LRMDA: variants seen among roughly 807,000 people sequenced by gnomAD.
LRMDA encodes the protein leucine rich melanocyte differentiation associated, also known as leucine-rich melanocyte differentiation-associated protein.
A neutral mutation model predicts 29.8 loss-of-function variants in LRMDA; 18 were observed. That is an observed-to-expected ratio of 0.60 (90% CI 0.42 to 0.90). The LOEUF (loss-of-function observed/expected upper bound fraction) is 0.90, where lower values mean the gene tolerates loss of function less well. Among genes scored for constraint, LRMDA ranks in the 40% least tolerant of loss-of-function variants. LRMDA has a pLI of 0.00. For synonymous variants in LRMDA, 125 were observed against 109.4 expected (o/e 1.14, Z -0.89); for missense variants, 273 against 273.9 (o/e 1.00, Z 0.02).
chr10:75,858,405 T>C (rs1844864069), intron 2 of LRMDA, among the ~76,000 whole-genome samples: 1 of 152,160 alleles, frequency 6.6e-6, no homozygotes, highest in Admixed American at 6.5e-5. Context: ...CTCCACTAAT[T>C]ATCACAGTAC....
intron 2 of LRMDA, among the ~76,000 whole-genome samples, chr10:75,599,484 T>C (rs1840852483): frequency 3.9e-5 from 6 of 152,180 alleles, no homozygotes; most frequent in Admixed American, 3.9e-4. Flanking sequence ...AGGTACATGC[T>C]GGAAACCATC....
chr10:75,957,341 T>C (rs1382630631), intron 2 of LRMDA, among the ~76,000 whole-genome samples: 3 of 152,204 alleles, frequency 2.0e-5, no homozygotes, highest in South Asian at 2.1e-4. Context: ...CACCATTTAG[T>C]CTCCTTATCA....
At chr10:76,055,483 G>C (rs533301435) in intron 4 of LRMDA, among the ~76,000 whole-genome samples, 11 of 152,332 alleles carry the variant, frequency 7.2e-5, no homozygotes, top group Admixed American at 3.9e-4. Context: ...CCTCAGTTGG[G>C]AACCTCTGTG....
intron 5 of LRMDA, among the ~76,000 whole-genome samples, chr10:76,187,061 C>T (rs2132216469): frequency 6.6e-6 from 1 of 152,236 alleles, no homozygotes; most frequent in East Asian, 1.9e-4. Context: ...CCAGCCTCTC[C>T]CAGGGTGAAG....
At chr10:76,320,856 T>TAA (rs1840762460) in intron 5 of LRMDA, among the ~76,000 whole-genome samples, 1 of 152,232 alleles carries the variant, frequency 6.6e-6, no homozygotes, top group African/African-American at 2.4e-5. Flanking sequence ...TTCATGAATT[T>TAA]AGTGTACATT....
At chr10:76,354,445 T>C (rs1290891153) in intron 6 of LRMDA, among the ~76,000 whole-genome samples, 1 of 152,162 alleles carries the variant, frequency 6.6e-6, no homozygotes, top group African/African-American at 2.4e-5. Flanking sequence ...GGGTTACTTT[T>C]TATTCCAGAT....
chr10:76,218,032 C>T (rs1022615406), intron 5 of LRMDA, among the ~76,000 whole-genome samples: 11 of 152,192 alleles, frequency 7.2e-5, no homozygotes, highest in Admixed American at 7.2e-4. Context: ...CTTCTCCCTG[C>T]GTACCCTGTA....
chr10:76,549,549 C>T (rs1843469264), intron 6 of LRMDA, among the ~76,000 whole-genome samples: 1 of 152,196 alleles, frequency 6.6e-6, no homozygotes, highest in African/African-American at 2.4e-5. Context: ...GTGCTCCACA[C>T]TCTAATATTT....
rs559990369 is a variant in LRMDA at position 76,430,699 on chromosome 10, T to C, written c.601+106214T>C. 3.9e-5 allele frequency among the ~76,000 whole-genome samples: 6 copies of C among 152,242 alleles called. 1 individual carries two copies. Among genetic ancestry groups the C allele is most frequent in the African/African-American group, 1.4e-4 (6 of 41,542 alleles). On this transcript the variant is annotated intron_variant, in intron 6 of 6. Coordinates refer to ENST00000611255, the MANE Select transcript of LRMDA (RefSeq NM_001305581.2). ...CTGCTCTGTAAAAGAAAATATCAAA[T>C]GTAAGTAAATAAATAACCTAAGGGA... is the stretch of plus-strand genomic sequence containing the variant.
At chr10:76,021,544 G>A (rs1365236413) in intron 2 of LRMDA, among the ~76,000 whole-genome samples, 1 of 152,156 alleles carries the variant, frequency 6.6e-6, no homozygotes, top group East Asian at 1.9e-4. Context: ...TTGCTTTGAA[G>A]TGTGCTGTCC....
At chr10:75,493,430 C>T (rs1419282702) in intron 2 of LRMDA, among the ~76,000 whole-genome samples, 1 of 146,352 alleles carries the variant, frequency 6.8e-6, no homozygotes, top group East Asian at 2.0e-4. Context: ...ATATGGGAAG[C>T]CGAGGGAGCC....
At chr10:75,862,685 A>T (rs1215220188) in intron 2 of LRMDA, among the ~76,000 whole-genome samples, 4 of 152,226 alleles carry the variant, frequency 2.6e-5, no homozygotes, top group African/African-American at 9.6e-5. Context: ...CAGGGAAATA[A>T]CTAAACCTCC....
At chr10:75,639,377 G>C (rs1454851625) in intron 2 of LRMDA, among the ~76,000 whole-genome samples, 2 of 152,192 alleles carry the variant, frequency 1.3e-5, no homozygotes, top group South Asian at 4.1e-4. Context: ...GCTGGTAAGG[G>C]TGGAGATGAG....
intron 6 of LRMDA, among the ~76,000 whole-genome samples, chr10:76,363,243 GAA>G (rs1188056778): frequency 1.6e-5 from 1 of 60,920 alleles, no homozygotes; most frequent in Non-Finnish European, 3.8e-5. Context: ...AAGAAAGAAA[GAA>G]AGAAAGAAAG....
chr10:76,196,900 G>T (rs1385322903), intron 5 of LRMDA, among the ~76,000 whole-genome samples: 1 of 152,182 alleles, frequency 6.6e-6, no homozygotes, highest in African/African-American at 2.4e-5. Context: ...TCTTCTGGTG[G>T]TAGGGTCCTG....
At chr10:76,311,363 T>A (rs1173961685) in intron 5 of LRMDA, among the ~76,000 whole-genome samples, 1 of 152,128 alleles carries the variant, frequency 6.6e-6, no homozygotes, top group Non-Finnish European at 1.5e-5. Context: ...ATATGAAGAG[T>A]CAATTAAGAA....
intron 2 of LRMDA, among the ~76,000 whole-genome samples, chr10:75,570,476 A>G (rs887268674): frequency 1.3e-5 from 2 of 152,180 alleles, no homozygotes; most frequent in African/African-American, 4.8e-5. Context: ...TAGAATTTAT[A>G]TGAACTGGGT....
At chr10:75,872,398 G>A (rs2132333533) in intron 2 of LRMDA, among the ~76,000 whole-genome samples, 1 of 152,156 alleles carries the variant, frequency 6.6e-6, no homozygotes, top group Admixed American at 6.5e-5. Context: ...CCATCTCCTG[G>A]GTTCAAGCGA....
At chr10:76,242,101 G>A (rs1393637473) in intron 5 of LRMDA, 2 of 152,130 alleles carry the variant, frequency 1.3e-5, no homozygotes, top group Non-Finnish European at 1.5e-5. Flanking sequence ...GATCAGCACA[G>A]GAGTTTTGAC....
Sources: allele counts gnomAD v4.1 joint callset (sites outside exome capture counted in the v4.1 genomes callset), GRCh38; gene constraint gnomAD v4.1.1; transcripts MANE v1.5; gene names NCBI Gene and HGNC (gene_info 2026-07-23, HGNC 2026-07-21).